CSMD1: variants seen among roughly 807,000 people sequenced by gnomAD.
The protein encoded by CSMD1 is CUB and Sushi multiple domains 1, also known as CUB and sushi domain-containing protein 1.
In CSMD1, 213 loss-of-function variants were observed where a neutral mutation model predicts 417.5. The ratio of observed to expected loss-of-function variants is 0.51; its 90% CI spans 0.46 to 0.57. The LOEUF (loss-of-function observed/expected upper bound fraction) is 0.57, where lower values mean the gene tolerates loss of function less well. Among genes scored for constraint, CSMD1 ranks in the 20% least tolerant of loss-of-function variants. The pLI, the probability that CSMD1 is intolerant of heterozygous loss-of-function variation, is 0.00. For missense variants in CSMD1, 6,923 were observed against 4,529.7 expected, an observed-to-expected ratio of 1.53 and a Z score of -15.17; for synonymous variants, 2,862 against 1,736.8, an observed-to-expected ratio of 1.65 and a Z score of -16.11.
chr8:3,643,982 C>T (rs755074198), intron 7 of CSMD1, among the ~76,000 whole-genome samples: 5 of 152,164 alleles, frequency 3.3e-5, no homozygotes, highest in African/African-American at 1.2e-4. Context: ...CAGAAGAGAA[C>T]ACGGTGAATT....
intron 5 of CSMD1, among the ~76,000 whole-genome samples, chr8:3,918,211 T>C (rs1049300564): frequency 6.6e-6 from 1 of 152,120 alleles, no homozygotes; most frequent in African/African-American, 2.4e-5. Context: ...GATAATTACC[T>C]GGAAGTGGGG....
chr8:4,239,460 C>G (rs887891482), intron 3 of CSMD1, among the ~76,000 whole-genome samples: 13 of 152,152 alleles, frequency 8.5e-5, no homozygotes, highest in African/African-American at 3.1e-4. Context: ...GCCATCAGTG[C>G]AAGGAGAGAT....
intron 7 of CSMD1, among the ~76,000 whole-genome samples, chr8:3,694,111 G>C (rs1466477070): frequency 2.0e-5 from 3 of 151,662 alleles, no homozygotes; most frequent in African/African-American, 2.4e-5. Context: ...TTTGGGTATA[G>C]GTGTGTTTGC....
chr8:4,016,657 T>A (rs2130472049), intron 4 of CSMD1, among the ~76,000 whole-genome samples: 1 of 152,354 alleles, frequency 6.6e-6, no homozygotes, highest in African/African-American at 2.4e-5. Context: ...TACAGGTTTG[T>A]CTTACTCTGT....
At chr8:4,444,058 G>A (rs902611883) in intron 2 of CSMD1, among the ~76,000 whole-genome samples, 2 of 152,028 alleles carry the variant, frequency 1.3e-5, no homozygotes, top group Admixed American at 1.3e-4. Context: ...TAAGATAGAG[G>A]TGGCCTGGCA....
rs1032838684 is a variant in CSMD1, at chr8:3,353,986, A to T, written c.3304+5166T>A. Among the ~76,000 whole-genome samples the T allele has an allele frequency of 1.8e-4, 28 of 152,212 alleles. 1 individual carries two copies. Among genetic ancestry groups the T allele is most frequent in the Admixed American group, 3.9e-4 (6 of 15,288 alleles). On this transcript the variant is annotated intron_variant, in intron 21 of 69. Coordinates refer to ENST00000635120, the MANE Select transcript of CSMD1 (RefSeq NM_033225.6). ...TCTGCTTGGCCTGCTGTAACAAAGTACCACAGACAGAGTGGCCTCAACAAC... is the reference window on the plus strand; with the variant it reads ...TCTGCTTGGCCTGCTGTAACAAAGTTCCACAGACAGAGTGGCCTCAACAAC...
intron 3 of CSMD1, among the ~76,000 whole-genome samples, chr8:4,128,142 C>G (rs758591159): frequency 6.6e-6 from 1 of 152,084 alleles, no homozygotes; most frequent in African/African-American, 2.4e-5. Flanking sequence ...CCCACCCCCA[C>G]CTCTGGAGAA....
chr8:4,988,456 C>G (rs1811292261), intron 1 of CSMD1, among the ~76,000 whole-genome samples: 1 of 152,104 alleles, frequency 6.6e-6, no homozygotes, highest in African/African-American at 2.4e-5. Context: ...AAAAATATGC[C>G]TGCATGATCT....
chr8:3,216,639 T>C (rs992307186), intron 29 of CSMD1, among the ~76,000 whole-genome samples: 2 of 152,240 alleles, frequency 1.3e-5, no homozygotes, highest in African/African-American at 4.8e-5. Flanking sequence ...CTTCAGGATG[T>C]TCCGTGATAA....
At chr8:3,288,700 AT>A (rs1249374063) in intron 25 of CSMD1, among the ~76,000 whole-genome samples, 1 of 145,038 alleles carries the variant, frequency 6.9e-6, no homozygotes, top group East Asian at 2.0e-4. Flanking sequence ...TTTCTTCTTT[AT>A]TTTTCTTGAT....
chr8:4,977,570 C>T (rs893375716), intron 1 of CSMD1, among the ~76,000 whole-genome samples: 2 of 152,184 alleles, frequency 1.3e-5, no homozygotes, highest in African/African-American at 2.4e-5. Context: ...TGGCTCCAGC[C>T]CGCCTTTGGG....
chr8:3,782,078 T>A (rs1799214880), intron 5 of CSMD1, among the ~76,000 whole-genome samples: 1 of 152,150 alleles, frequency 6.6e-6, no homozygotes, highest in Non-Finnish European at 1.5e-5. Context: ...GAGAGTTTGA[T>A]AAAATAAACA....
chr8:3,632,234 G>T (rs12678397), intron 7 of CSMD1, among the ~76,000 whole-genome samples: 4 of 151,864 alleles, frequency 2.6e-5, no homozygotes, highest in African/African-American at 7.3e-5. Flanking sequence ...TCATTTCTAG[G>T]GCTGGGCTTT....
intron 3 of CSMD1, among the ~76,000 whole-genome samples, chr8:4,065,131 GTTT>G (rs1405000057): frequency 6.6e-6 from 1 of 152,136 alleles, no homozygotes. Context: ...TGTTTTTAGA[GTTT>G]TTTAAAAATT....
intron 2 of CSMD1, among the ~76,000 whole-genome samples, chr8:4,471,743 A>AC (rs1800547030): frequency 2.6e-5 from 3 of 113,620 alleles, no homozygotes; most frequent in Non-Finnish European, 6.6e-5. Context: ...GGAGAAAAGA[A>AC]GTTAGACCCA....
intron 30 of CSMD1, among the ~76,000 whole-genome samples, chr8:3,206,498 GTATGTGTGTGT>G (rs1797285368): frequency 2.2e-5 from 3 of 138,440 alleles, no homozygotes; most frequent in Admixed American, 7.4e-5. Flanking sequence ...GTGTGTGGGT[GTATGTGTGTGT>G]GGTGTATGTC....
At chr8:4,773,406 C>G (rs949705495) in intron 1 of CSMD1, among the ~76,000 whole-genome samples, 1 of 152,166 alleles carries the variant, frequency 6.6e-6, no homozygotes, top group Non-Finnish European at 1.5e-5. Context: ...CTTGTTTCTG[C>G]AGCAGTTGCT....
chr8:3,841,437 C>A (rs1037680435), intron 5 of CSMD1, among the ~76,000 whole-genome samples: 1 of 152,104 alleles, frequency 6.6e-6, no homozygotes, highest in African/African-American at 2.4e-5. Context: ...ACAAAACAAT[C>A]TTTGACATTC....
chr8:3,638,593 C>A (rs6992880), intron 7 of CSMD1, among the ~76,000 whole-genome samples: 15,705 of 152,164 alleles, frequency 0.1, 892 homozygotes, highest in African/African-American at 0.11. Context: ...TGGAAAGGGT[C>A]AGAATGTGCT....
Sources: allele counts gnomAD v4.1 joint callset (sites outside exome capture counted in the v4.1 genomes callset), GRCh38; gene constraint gnomAD v4.1.1; transcripts MANE v1.5; gene names NCBI Gene and HGNC (gene_info 2026-07-23, HGNC 2026-07-21).